Variants in TPTE observed in about 807,000 individuals in gnomAD.
TPTE encodes transmembrane phosphatase with tensin homology.
TPTE carries 59 observed loss-of-function variants against 84.1 expected under a neutral mutation model. The ratio of observed to expected loss-of-function variants is 0.70; its 90% confidence interval spans 0.57 to 0.87. The LOEUF (loss-of-function observed/expected upper bound fraction) is 0.87. TPTE is among the 40% of genes least tolerant of loss of function. The probability of loss-of-function intolerance (pLI) is 0.00; values close to 1 mark genes in which losing one functional copy is unlikely to be tolerated. For missense variants in TPTE, 382 were observed against 659.6 expected, an observed-to-expected ratio of 0.58 and a Z score of 4.61; for synonymous variants, 130 against 223.5, an observed-to-expected ratio of 0.58 and a Z score of 3.73.
chr21:10,522,535 G>A (rs1397703288), intron 1 of TPTE, among the ~76,000 whole-genome samples: 2 of 152,308 alleles, frequency 1.3e-5, no homozygotes, highest in Non-Finnish European at 2.9e-5. Context: ...AAAACAATGC[G>A]TCTGGACGGG....
chr21:10,596,481 G>A (rs1352940323), intron 20 of TPTE, among the ~76,000 whole-genome samples: 217 of 152,278 alleles, frequency 1.4e-3, no homozygotes, highest in African/African-American at 4.8e-3. Flanking sequence ...TGCCTTGGTG[G>A]AGGTGTCTCC....
intron 8 of TPTE, among the ~76,000 whole-genome samples, chr21:10,557,735 A>ATT (rs577049186): frequency 6.7e-6 from 1 of 150,290 alleles, no homozygotes; most frequent in African/African-American, 2.4e-5. Flanking sequence ...TCAAAGGCCA[A>ATT]TTTTTTTTTT....
intron 19 of TPTE, among the ~76,000 whole-genome samples, chr21:10,594,487 TATTA>T (rs2075543610): frequency 6.6e-6 from 1 of 152,312 alleles, no homozygotes; most frequent in Non-Finnish European, 1.5e-5. Flanking sequence ...GTGTTGGTTG[TATTA>T]ATTTCTACTA....
chr21:10,541,381 A>G (rs1185341113), intron 5 of TPTE, among the ~76,000 whole-genome samples: 1 of 152,302 alleles, frequency 6.6e-6, no homozygotes, highest in Non-Finnish European at 1.5e-5. Flanking sequence ...CTGAGGCAGG[A>G]GAATCGATTG....
At chr21:10,573,632 T>C (rs554332110) in intron 14 of TPTE, among the ~76,000 whole-genome samples, 1 of 152,276 alleles carries the variant, frequency 6.6e-6, no homozygotes. Context: ...ATTATCCTGA[T>C]TTGATCATTA....
chr21:10,605,299 A>G (rs1979143039), intron 23 of TPTE, 118 bp from the exon 24 acceptor site: 1 of 1,348,706 alleles, frequency 7.4e-7, no homozygotes. Flanking sequence ...AAAAGGGCTG[A>G]GGTTCTATTC....
At chr21:10,536,688 T>G (rs866436617) in intron 3 of TPTE, among the ~76,000 whole-genome samples, 14 of 152,420 alleles carry the variant, frequency 9.2e-5, no homozygotes, top group African/African-American at 2.6e-4. Flanking sequence ...TTTACACTGT[T>G]TATAAACCTC....
chr21:10,569,696 A>G lies in TPTE; in HGVS notation c.680A>G (p.Lys227Arg), dbSNP rs2075002700. 1 of 1,613,928 alleles carries G rather than the reference A, an allele frequency of 6.2e-7. No individual in the cohort carries two copies. Among genetic ancestry groups the G allele is most frequent in the African/African-American group, 1.3e-5 (1 of 74,960 alleles). Residue 227 changes from lysine (K) to arginine (R), a missense_variant, in exon 13 of 24, where the codon AAA becomes AGA. By Grantham distance (26) the Lys-to-Arg change is conservative. Transcript: ENST00000618007. ...TTAAACTGTCAGGTTTCAGAAAACA[A>G]AAGGCGATACACAAGGGATGGATTT... ...KLIRRRVSEN[K>R]RRYTRDGFDL...
intron 17 of TPTE, among the ~76,000 whole-genome samples, chr21:10,588,423 T>C (rs572665314): frequency 2.8e-4 from 42 of 152,304 alleles, no homozygotes; most frequent in African/African-American, 1.0e-3. Flanking sequence ...ATCTGGCCTT[T>C]TTCTCCAGTG....
At chr21:10,529,735 C>T (rs1265265193) in intron 3 of TPTE, among the ~76,000 whole-genome samples, 1 of 152,308 alleles carries the variant, frequency 6.6e-6, no homozygotes, top group African/African-American at 2.4e-5. Flanking sequence ...TATTCGCTGA[C>T]AAGTAAATAT....
intron 21 of TPTE, among the ~76,000 whole-genome samples, chr21:10,600,474 C>A (rs1382280065): frequency 2.6e-5 from 4 of 152,284 alleles, no homozygotes; most frequent in Admixed American, 2.6e-4. Context: ...TATTGCTGGT[C>A]TTTTTCCCTC....
At chr21:10,576,027 A>G (rs2075142904) in intron 14 of TPTE, among the ~76,000 whole-genome samples, 1 of 152,312 alleles carries the variant, frequency 6.6e-6, no homozygotes, top group Admixed American at 6.5e-5. Context: ...CAATTCCTCA[A>G]AGACCTAGAG....
At chr21:10,547,636 A>G (rs1418549221) in intron 7 of TPTE, among the ~76,000 whole-genome samples, 1 of 152,310 alleles carries the variant, frequency 6.6e-6, no homozygotes, top group African/African-American at 2.4e-5. Flanking sequence ...CCATCTGGAG[A>G]ACAGAGTCAT....
chr21:10,594,942 A>C (rs1485271596), intron 19 of TPTE, among the ~76,000 whole-genome samples: 1 of 152,308 alleles, frequency 6.6e-6, no homozygotes, highest in African/African-American at 2.4e-5. Context: ...CTGTCTCATG[A>C]CTGGCCCTTT....
chr21:10,597,419 T>TC (rs1192165991), intron 20 of TPTE, among the ~76,000 whole-genome samples: 1 of 147,818 alleles, frequency 6.8e-6, no homozygotes, highest in African/African-American at 2.6e-5. Context: ...TTTCTTTTTT[T>TC]TTTTTTTTTT....
At chr21:10,560,068 G>A (rs566950632) in intron 9 of TPTE, among the ~76,000 whole-genome samples, 1 of 152,298 alleles carries the variant, frequency 6.6e-6, no homozygotes. Context: ...TGGAATTTTG[G>A]TTTAAGCTGG....
intron 4 of TPTE, among the ~76,000 whole-genome samples, chr21:10,540,236 T>A (rs2074343440): frequency 6.6e-6 from 1 of 152,310 alleles, no homozygotes; most frequent in South Asian, 2.1e-4. Context: ...TCTATGCATA[T>A]ACAAACACAT....
chr21:10,526,399 T>C (rs1330044370), intron 2 of TPTE, among the ~76,000 whole-genome samples: 2 of 152,310 alleles, frequency 1.3e-5, no homozygotes, highest in African/African-American at 4.8e-5. Flanking sequence ...GGGGAACTTT[T>C]CTTAAAGACA....
chr21:10,564,607 A>T (rs74395056), intron 10 of TPTE, among the ~76,000 whole-genome samples: 4 of 152,422 alleles, frequency 2.6e-5, no homozygotes, highest in African/African-American at 9.6e-5. Context: ...CCTCAACAAG[A>T]TACTAGAAAA....
Sources: gnomAD v4.1 joint callset for allele counts (sites outside exome capture counted in the v4.1 genomes callset) on GRCh38, gnomAD v4.1.1 for gene constraint, MANE v1.5 for transcripts, NCBI Gene and HGNC (gene_info 2026-07-23, HGNC 2026-07-21) for gene names.